Variants in MLYCD observed in about 807,000 individuals in gnomAD.
MLYCD encodes the protein malonyl-CoA decarboxylase, mitochondrial.
MLYCD carries 27 observed loss-of-function variants against 35.8 expected under a neutral mutation model. The ratio of observed to expected loss-of-function variants is 0.75; its 90% CI spans 0.56 to 1.04. MLYCD has a LOEUF of 1.04. Among genes scored for constraint, MLYCD ranks in the 50% least tolerant of loss-of-function variants. The pLI is 0.00. For synonymous variants in MLYCD, 403 were observed against 302.4 expected (o/e 1.33, Z -3.45); for missense variants, 917 against 665.1 (o/e 1.38, Z -4.17).
In MLYCD at chr16:83,915,090, G is replaced by A. The variant is rs369896830; in HGVS notation, c.1083G>A (p.Lys361=). The A allele has an allele frequency of 2.5e-5, 40 of 1,614,132 alleles. No individual in the cohort carries two copies. The highest frequency in any genetic ancestry group is 5.0e-5 in the Admixed American group (3 of 60,012). ...RNELFTDSEC[K]EISEITGGPI... is the part of the protein sequence containing the mutation. Reference sequence around the variant, plus strand: ...AACTCTTTACAGATTCGGAATGTAAGGAAATCTCGGAGATCACAGGTGGCC... The same window carrying A: ...AACTCTTTACAGATTCGGAATGTAAAGAAATCTCGGAGATCACAGGTGGCC... Residue 361 remains lysine, a synonymous_variant, in exon 5 of 5, where the codon AAG becomes AAA. Coordinates refer to ENST00000262430, the MANE Select transcript of MLYCD (RefSeq NM_012213.3).
intron 1 of MLYCD, among the ~76,000 whole-genome samples, chr16:83,903,659 A>T (rs1306188531): frequency 6.6e-6 from 1 of 152,180 alleles, no homozygotes; most frequent in Non-Finnish European, 1.5e-5. Flanking sequence ...TACACAATAC[A>T]CAGAGCCGGG....
chr16:83,900,844 G>A (rs1018703897), intron 1 of MLYCD, among the ~76,000 whole-genome samples: 2 of 152,140 alleles, frequency 1.3e-5, no homozygotes, highest in Admixed American at 6.5e-5. Flanking sequence ...CCCTTTTACA[G>A]TAAAGGAGAA....
Position 83,899,505 on chromosome 16 carries a change from GTGC to G in MLYCD, c.368_370del (p.Leu123del), listed in dbSNP as rs772249355. On this transcript the variant is annotated inframe_deletion, in exon 1 of 5. Transcript: ENST00000262430. ...GCGCCAGCAGCAGCGGGAGGCGGCG[GTGC>G]TGCTGCAGGCCGAGGACCGGCTGCG... 6.3e-7 allele frequency: 1 copy of G among 1,579,410 alleles called. No homozygotes were observed. Among genetic ancestry groups the G allele is most frequent in the Admixed American group, 1.7e-5 (1 of 58,698 alleles).
At chr16:83,901,182 A>G (rs181148835) in intron 1 of MLYCD, among the ~76,000 whole-genome samples, 136 of 152,308 alleles carry the variant, frequency 8.9e-4, no homozygotes, top group Non-Finnish European at 1.4e-3. Context: ...ATTGCATGAC[A>G]CAGAATCAGT....
At position 83,922,050 on chromosome 16, in the gene MLYCD, G is replaced by C. The variant is rs2078785607; in HGVS notation, c.*6561G>C. 6.6e-6 allele frequency: 1 copy of C among 152,152 alleles called. No homozygotes were observed. Among genetic ancestry groups the C allele is most frequent in the Non-Finnish European group, 1.5e-5 (1 of 68,062 alleles). 9.4% of individuals were successfully genotyped at this position (152,152 alleles called of 1,614,324 possible). Reference sequence around the variant, plus strand: ...ACTGTGACCACAGTGTCTTCCTCTGGAAAGTGCCCAGCAGTGTTGGGCTCA... The same window carrying C: ...ACTGTGACCACAGTGTCTTCCTCTGCAAAGTGCCCAGCAGTGTTGGGCTCA... On this transcript the variant is annotated 3_prime_UTR_variant, in exon 5 of 5. Coordinates refer to ENST00000262430, the MANE Select transcript of MLYCD (RefSeq NM_012213.3).
intron 3 of MLYCD, among the ~76,000 whole-genome samples, chr16:83,910,349 G>C (rs1907130352): frequency 6.6e-6 from 1 of 151,996 alleles, no homozygotes; most frequent in African/African-American, 2.4e-5. Flanking sequence ...AGATTGCTGG[G>C]ATTTTTGCAT....
chr16:83,906,055 C>T (rs574771397), intron 1 of MLYCD, among the ~76,000 whole-genome samples: 159 of 152,154 alleles, frequency 1.0e-3, no homozygotes, highest in Non-Finnish European at 1.6e-3. Context: ...TTGCCAGATA[C>T]GCTATTATTT....
intron 3 of MLYCD, among the ~76,000 whole-genome samples, chr16:83,910,056 C>T (rs1219592352): frequency 6.6e-6 from 1 of 152,116 alleles, no homozygotes; most frequent in Non-Finnish European, 1.5e-5. Flanking sequence ...ACTCTAAGGG[C>T]ACGTGAGAAT....
In MLYCD at chr16:83,918,354, CAGG is replaced by C. The variant is rs1273125706; in HGVS notation, c.*2868_*2870del. ...CACAGGAGAACACGCACACGGTGCACAGGAGAACACGCACACATGTTGCACAGG... is the reference window on the plus strand; with the variant it reads ...CACAGGAGAACACGCACACGGTGCACAGAACACGCACACATGTTGCACAGG... On this transcript the variant is annotated 3_prime_UTR_variant, in exon 5 of 5. Coordinates refer to ENST00000262430, the MANE Select transcript of MLYCD (RefSeq NM_012213.3). 8 of 148,950 alleles carry C rather than the reference CAGG, an allele frequency of 5.4e-5. No homozygotes were observed. The East Asian group carries it at 6.1e-4, about 11-fold the overall frequency. The allele number at this position is 148,950 out of a possible 1,614,324, so 9.2% of individuals were successfully genotyped here. A position where few individuals can be genotyped will look rare whatever the true frequency, so the allele number is the denominator to read the frequency against.
rs1907583378 is a variant in MLYCD, at chr16:83,919,722, GTGCACAGAACACACA to G, written c.*4234_*4248del. The G allele has an allele frequency of 7.7e-6, 1 of 130,642 alleles. No individual in the cohort carries two copies. Among genetic ancestry groups the G allele is most frequent in the African/African-American group, 3.8e-5 (1 of 26,322 alleles). 8.1% of individuals were successfully genotyped at this position (130,642 alleles called of 1,614,324 possible). ...CACACGGGGCACAGGAGAACACACA[GTGCACAGAACACACA>G]GTGCACAGAACACACGGTGCACAGG... is the stretch of plus-strand genomic sequence containing the variant. On this transcript the variant is annotated 3_prime_UTR_variant, in exon 5 of 5. Coordinates refer to ENST00000262430, the MANE Select transcript of MLYCD (RefSeq NM_012213.3).
chr16:83,912,674 G>A, intron 4 of MLYCD: 2 of 403,424 alleles, frequency 5.0e-6, no homozygotes, highest in Non-Finnish European at 9.4e-6. Context: ...AGGACACTCT[G>A]GATTTCACGT....
At chr16:83,905,740 T>TGGCTGCC (rs1343597456) in intron 1 of MLYCD, among the ~76,000 whole-genome samples, 2 of 152,232 alleles carry the variant, frequency 1.3e-5, no homozygotes, top group Non-Finnish European at 2.9e-5. Flanking sequence ...CTCTGTCACA[T>TGGCTGCC]GGCTGCCCCC....
intron 1 of MLYCD, among the ~76,000 whole-genome samples, chr16:83,903,615 T>A (rs1201321264): frequency 1.3e-5 from 2 of 152,180 alleles, no homozygotes; most frequent in Non-Finnish European, 2.9e-5. Flanking sequence ...TGGGCTGGTC[T>A]AAACGGTGTC....
intron 1 of MLYCD, among the ~76,000 whole-genome samples, chr16:83,902,154 CGTATATATAT>C (rs755289495): frequency 0.041 from 3,461 of 84,456 alleles, 183 homozygotes; most frequent in East Asian, 0.14. Context: ...TGTGTGCGTG[CGTATATATAT>C]ATATATATAT....
In MLYCD at chr16:83,920,125, C is replaced by G. The variant is rs1907603222; in HGVS notation, c.*4636C>G. ...CAGCACACGGTACACAGCAGAACAC[C>G]CGCAGTGCACAGGAGAACCTAGTGC... is the stretch of plus-strand genomic sequence containing the variant. On this transcript the variant is annotated 3_prime_UTR_variant, in exon 5 of 5. Coordinates refer to ENST00000262430, the MANE Select transcript of MLYCD (RefSeq NM_012213.3). 2.0e-5 allele frequency: 3 copies of G among 149,566 alleles called. No homozygotes were observed. In the South Asian group the frequency reaches 6.4e-4, roughly 32 times the overall value. 9.3% of individuals were successfully genotyped at this position (149,566 alleles called of 1,614,324 possible).
intron 4 of MLYCD, chr16:83,913,954 T>G (rs1376470332): frequency 6.6e-6 from 1 of 152,170 alleles, no homozygotes; most frequent in Admixed American, 6.6e-5. Flanking sequence ...TTTTTGAATT[T>G]TAAATGATAA....
chr16:83,918,588 C>T lies in MLYCD; in HGVS notation c.*3099C>T, dbSNP rs900531945. The T allele has an allele frequency of 4.2e-5, 6 of 144,198 alleles. No homozygotes were observed. The highest frequency in any genetic ancestry group is 1.6e-4 in the African/African-American group (6 of 37,212). 8.9% of individuals were successfully genotyped at this position (144,198 alleles called of 1,614,324 possible). On this transcript the variant is annotated 3_prime_UTR_variant, in exon 5 of 5. Coordinates refer to ENST00000262430, the MANE Select transcript of MLYCD (RefSeq NM_012213.3). ...CGGTGCACAGAACACACACAGTGCA[C>T]AGGAGAACACGCACAGTGCACAGGA...
rs570304882 is a variant in MLYCD at position 83,915,435 on chromosome 16, C to T, written c.1428C>T (p.Ala476=). Residue 476 remains alanine, a synonymous_variant, in exon 5 of 5, where the codon GCC becomes GCT. Transcript: ENST00000262430. ...TSYLGSKIIK[A]SEQVLSLVAQ... is the part of the protein sequence containing the mutation. ...ACCTCGGCTCCAAGATCATCAAAGC[C>T]TCTGAGCAGGTCCTCAGCCTAGTGG... 1 of 1,613,666 alleles carries T rather than the reference C, an allele frequency of 6.2e-7. No homozygotes were observed. Among genetic ancestry groups the T allele is most frequent in the Non-Finnish European group, 8.5e-7 (1 of 1,180,054 alleles).
Position 83,917,519 on chromosome 16 carries a change from C to T in MLYCD, c.*2030C>T, listed in dbSNP as rs1760506701. ...ATCTCCTGTGACCCTCGCCAGGCCC[C>T]TTCTCTGTCTTCTGCGTACGGCGTG... On this transcript the variant is annotated 3_prime_UTR_variant, in exon 5 of 5. Transcript: ENST00000262430. The T allele has an allele frequency of 1.9e-5, 3 of 154,144 alleles. No individual in the cohort carries two copies. The highest frequency in any genetic ancestry group is 4.1e-4 in the South Asian group (2 of 4,908). 9.5% of individuals were successfully genotyped at this position (154,144 alleles called of 1,614,324 possible).
Sources: gnomAD v4.1 joint callset for allele counts (sites outside exome capture counted in the v4.1 genomes callset) on GRCh38, gnomAD v4.1.1 for gene constraint, MANE v1.5 for transcripts, NCBI Gene and HGNC (gene_info 2026-07-23, HGNC 2026-07-21) for gene names.